The following SLC44A5 variants were observed in gnomAD, a reference collection of about 807,000 sequenced individuals.
SLC44A5 encodes the protein solute carrier family 44 member 5, also known as choline transporter-like protein 5.
SLC44A5 carries 57 observed loss-of-function variants against 101.8 expected under a neutral mutation model. The ratio of observed to expected loss-of-function variants is 0.56; its 90% confidence interval spans 0.45 to 0.70. The LOEUF (loss-of-function observed/expected upper bound fraction) is 0.70, where lower values mean the gene tolerates loss of function less well. Among genes scored for constraint, SLC44A5 ranks in the 30% least tolerant of loss-of-function variants. The pLI is 0.00. For missense variants in SLC44A5, 737 were observed against 853.1 expected, an observed-to-expected ratio of 0.86 and a Z score of 1.70; for synonymous variants, 281 against 290.9, an observed-to-expected ratio of 0.97 and a Z score of 0.35.
intron 3 of SLC44A5, among the ~76,000 whole-genome samples, chr1:75,367,940 G>A (rs968910539): frequency 2.6e-5 from 4 of 152,174 alleles, no homozygotes; most frequent in Non-Finnish European, 4.4e-5. Flanking sequence ...CCACCAAATC[G>A]CTGACGTCAC....
At chr1:75,568,352 T>A (rs924659521) in intron 1 of SLC44A5, among the ~76,000 whole-genome samples, 3 of 152,156 alleles carry the variant, frequency 2.0e-5, no homozygotes, top group African/African-American at 7.2e-5. Flanking sequence ...TCCAACAGAT[T>A]TATACAATTC....
At chr1:75,685,434 T>A in the SLC44A5 span, among the ~76,000 whole-genome samples, 3 of 152,352 alleles carry the variant, frequency 2.0e-5, no homozygotes, top group South Asian at 6.2e-4. Context: ...TTTTCTGCTC[T>A]GCTTCCCTTT....
At chr1:75,528,097 C>T (rs930948002) in intron 2 of SLC44A5, among the ~76,000 whole-genome samples, 1 of 151,648 alleles carries the variant, frequency 6.6e-6, no homozygotes, top group African/African-American at 2.4e-5. Flanking sequence ...CACTATTTAT[C>T]TTTAAGCTAT....
chr1:75,715,982 C>T, the SLC44A5 span, among the ~76,000 whole-genome samples: 3 of 139,542 alleles, frequency 2.1e-5, no homozygotes, highest in Non-Finnish European at 4.4e-5. Flanking sequence ...CAAACAATTC[C>T]GTTAAAAAGT....
the SLC44A5 span, among the ~76,000 whole-genome samples, chr1:75,705,806 A>G: frequency 1.7e-4 from 26 of 151,988 alleles, no homozygotes; most frequent in Admixed American, 3.3e-4. Flanking sequence ...TCAGCCTCCC[A>G]GGTAGCTTGG....
chr1:75,413,334 G>A (rs1663404972), intron 2 of SLC44A5, among the ~76,000 whole-genome samples: 1 of 151,982 alleles, frequency 6.6e-6, no homozygotes, highest in Non-Finnish European at 1.5e-5. Context: ...CCATAAACAA[G>A]CATATTTTAG....
At chr1:75,255,207 A>T (rs1259665647) in intron 6 of SLC44A5, among the ~76,000 whole-genome samples, 1 of 152,166 alleles carries the variant, frequency 6.6e-6, no homozygotes, top group African/African-American at 2.4e-5. Context: ...CTTTAGTAAT[A>T]GATAATTATG....
At chr1:75,713,940 G>A in the SLC44A5 span, among the ~76,000 whole-genome samples, 2 of 151,506 alleles carry the variant, frequency 1.3e-5, no homozygotes, top group East Asian at 1.9e-4. Context: ...GTAGCTGCGT[G>A]TACAGGTGTG....
chr1:75,679,671 A>C, the SLC44A5 span, among the ~76,000 whole-genome samples: 4 of 152,164 alleles, frequency 2.6e-5, no homozygotes, highest in African/African-American at 9.7e-5. Context: ...CCAAAATGTA[A>C]AGACCATCGA....
chr1:75,539,054 C>T (rs1375350885), intron 2 of SLC44A5, among the ~76,000 whole-genome samples: 1 of 152,206 alleles, frequency 6.6e-6, no homozygotes, highest in Non-Finnish European at 1.5e-5. Context: ...ACAGCTGTCA[C>T]TTTGCCTGTC....
chr1:75,287,183 G>A (rs1653123881), intron 5 of SLC44A5, among the ~76,000 whole-genome samples: 2 of 151,688 alleles, frequency 1.3e-5, no homozygotes, highest in African/African-American at 4.8e-5. Flanking sequence ...TGAAAGCCTT[G>A]TCTTTGAGCT....
intron 1 of SLC44A5, among the ~76,000 whole-genome samples, chr1:75,572,525 G>T (rs1004976596): frequency 4.6e-5 from 7 of 152,148 alleles, no homozygotes; most frequent in Admixed American, 2.0e-4. Context: ...GCCTAGCTCT[G>T]CAGACATATT....
the SLC44A5 span, among the ~76,000 whole-genome samples, chr1:75,697,897 C>T: frequency 5.3e-5 from 8 of 152,334 alleles, no homozygotes; most frequent in African/African-American, 1.9e-4. Flanking sequence ...TGACAGATGG[C>T]ACCTGGAAAA....
chr1:75,573,127 C>CAAAAAAA lies in SLC44A5; in HGVS notation c.-69-31618_-69-31612dup, dbSNP rs745593621. On this transcript the variant is annotated intron_variant, in intron 1 of 23. Coordinates refer to ENST00000370859, the MANE Select transcript of SLC44A5 (RefSeq NM_001130058.2). ...TGAGCGACAGAGCAAGGCTCCATCT[C>CAAAAAAA]AAAAAAAAAAAAAAAAAAAAAAAAA... 4.2e-4 allele frequency among the ~76,000 whole-genome samples: 7 copies of CAAAAAAA among 16,716 alleles called. 1 individual carries two copies. Among genetic ancestry groups the CAAAAAAA allele is most frequent in the African/African-American group, 9.8e-4 (4 of 4,070 alleles). 11.0% of individuals were successfully genotyped at this position (16,716 alleles called of 152,430 possible).
At chr1:75,214,108 G>T in intron 20 of SLC44A5, 119 bp from the exon 21 acceptor site, 1 of 680,252 alleles carries the variant, frequency 1.5e-6, no homozygotes, top group East Asian at 2.6e-5. Context: ...AATTGTATTT[G>T]GCAATTGTTT....
the SLC44A5 span, among the ~76,000 whole-genome samples, chr1:75,698,100 T>C: frequency 2.0e-5 from 3 of 152,206 alleles, no homozygotes; most frequent in South Asian, 6.2e-4. Flanking sequence ...TTGCCCAGGC[T>C]TGCTTAGGTA....
At chr1:75,209,622 G>A (rs1328804816) in intron 23 of SLC44A5, among the ~76,000 whole-genome samples, 3 of 152,138 alleles carry the variant, frequency 2.0e-5, no homozygotes, top group Non-Finnish European at 4.4e-5. Flanking sequence ...TGAATTCTTT[G>A]TCCGGTTATT....
chr1:75,648,106 T>A, the SLC44A5 span, among the ~76,000 whole-genome samples: 1 of 152,152 alleles, frequency 6.6e-6, no homozygotes, highest in African/African-American at 2.4e-5. Flanking sequence ...AGGGATCACA[T>A]GGGAAGCAAT....
intron 1 of SLC44A5, among the ~76,000 whole-genome samples, chr1:75,562,450 C>A (rs1043673597): frequency 6.6e-6 from 1 of 151,914 alleles, no homozygotes; most frequent in African/African-American, 2.4e-5. Flanking sequence ...GTAATCATAC[C>A]ACTTTGGGAG....
Sources: allele counts gnomAD v4.1 joint callset (sites outside exome capture counted in the v4.1 genomes callset), GRCh38; gene constraint gnomAD v4.1.1; transcripts MANE v1.5; gene names NCBI Gene and HGNC (gene_info 2026-07-23, HGNC 2026-07-21).